PLEKHF2: variants seen among roughly 807,000 people sequenced by gnomAD.
PLEKHF2 encodes pleckstrin homology and FYVE domain containing 2.
PLEKHF2 carries 4 observed loss-of-function variants against 14.7 expected under a neutral mutation model. That is an observed-to-expected ratio of 0.27 (90% CI 0.13 to 0.62). The LOEUF (loss-of-function observed/expected upper bound fraction) is 0.62, where lower values mean the gene tolerates loss of function less well. Ranked by LOEUF, PLEKHF2 falls within the 20% of genes least tolerant of loss-of-function variation. PLEKHF2 has a pLI of 0.85. For missense variants in PLEKHF2, 201 were observed against 307.7 expected, an observed-to-expected ratio of 0.65 and a Z score of 2.60; for synonymous variants, 90 against 103.5, an observed-to-expected ratio of 0.87 and a Z score of 0.79.
intron 1 of PLEKHF2, among the ~76,000 whole-genome samples, chr8:95,139,909 A>C (rs1810422446): frequency 1.3e-5 from 2 of 151,988 alleles, no homozygotes; most frequent in Non-Finnish European, 2.9e-5. Context: ...CAGGTTGAAA[A>C]GGTGCTTTGT....
At chr8:95,143,529 C>G (rs954507466) in intron 1 of PLEKHF2, among the ~76,000 whole-genome samples, 3 of 152,138 alleles carry the variant, frequency 2.0e-5, no homozygotes, top group Non-Finnish European at 4.4e-5. Context: ...TTCACCTGGC[C>G]ACAGGATATA....
intron 1 of PLEKHF2, among the ~76,000 whole-genome samples, chr8:95,136,778 C>G (rs983697433): frequency 5.3e-5 from 8 of 152,020 alleles, no homozygotes; most frequent in Non-Finnish European, 7.4e-5. Context: ...CATGAGCTGC[C>G]TGCTTAATAT....
Position 95,155,055 on chromosome 8 carries a change from T to G in PLEKHF2, c.*261T>G. Reference sequence around the variant, plus strand: ...CTTGTTTATTTTTAGGTTATTTTCTTGGAAGGTTGGGAAAAGATGTTTGTT... The same window carrying G: ...CTTGTTTATTTTTAGGTTATTTTCTGGGAAGGTTGGGAAAAGATGTTTGTT... On this transcript the variant is annotated 3_prime_UTR_variant, in exon 2 of 2. Transcript: ENST00000315367. 2.3e-6 allele frequency: 1 copy of G among 430,024 alleles called. No homozygotes were observed. The highest frequency in any genetic ancestry group is 4.3e-5 in the South Asian group (1 of 23,274). 26.6% of individuals were successfully genotyped at this position (430,024 alleles called of 1,614,324 possible).
chr8:95,138,353 TCCC>T (rs61519066), intron 1 of PLEKHF2, among the ~76,000 whole-genome samples: 8,425 of 71,920 alleles, frequency 0.12, 905 homozygotes, highest in African/African-American at 0.29. Context: ...TTCTTCATCT[TCCC>T]CCCCCCCCCG....
intron 1 of PLEKHF2, among the ~76,000 whole-genome samples, chr8:95,151,916 G>A (rs1388266373): frequency 1.3e-5 from 2 of 151,994 alleles, no homozygotes; most frequent in African/African-American, 4.8e-5. Flanking sequence ...AGATACAGAT[G>A]TCTATGATTA....
At position 95,154,077 on chromosome 8, in the gene PLEKHF2, T is replaced by C; in HGVS notation, c.33T>C (p.Asn11=). The C allele has an allele frequency of 6.2e-7, 1 of 1,609,018 alleles. No homozygotes were observed. Among genetic ancestry groups the C allele is most frequent in the Non-Finnish European group, 8.5e-7 (1 of 1,177,650 alleles). The part of the protein sequence containing the change: MVDRLANSEA[N]TRRISIVENC... ...ATCGCTTGGCAAACAGTGAAGCAAA[T>C]ACTAGACGTATAAGTATAGTGGAAA... Residue 11 remains asparagine (N), a synonymous_variant, in exon 2 of 2, where the codon AAT becomes AAC. Transcript: ENST00000315367. This position sits in a 1 kb window ranked among gnomAD's most constrained non-coding sequence, Gnocchi z 5.6.
intron 1 of PLEKHF2, among the ~76,000 whole-genome samples, chr8:95,142,095 T>A (rs1338792868): frequency 6.6e-6 from 1 of 152,198 alleles, no homozygotes; most frequent in African/African-American, 2.4e-5. Flanking sequence ...GTCTGCTTTG[T>A]TCTTTTTTTC....
At chr8:95,139,154 T>G (rs988848207) in intron 1 of PLEKHF2, among the ~76,000 whole-genome samples, 6 of 152,212 alleles carry the variant, frequency 3.9e-5, no homozygotes, top group African/African-American at 1.4e-4. Context: ...TTGTTTCTTA[T>G]TTTTCTGTTG....
At position 95,138,348 on chromosome 8, in the gene PLEKHF2, C is replaced by T. The variant is rs2514568; in HGVS notation, c.-15+4318C>T. ...ATTTTCTTCTTTGCACCAACTTCTT[C>T]ATCTTCCCCCCCCCCCCGCCCCTTT... On this transcript the variant is annotated intron_variant, in intron 1 of 1. Transcript: ENST00000315367. Among the ~76,000 whole-genome samples, 87 of 85,290 alleles carry T rather than the reference C, an allele frequency of 1.0e-3. 1 individual carries two copies. The East Asian group carries it at 0.018, about 18-fold the overall frequency. 56.0% of individuals were successfully genotyped at this position (85,290 alleles called of 152,430 possible). A position where few individuals can be genotyped will look rare whatever the true frequency, so the allele number is the denominator to read the frequency against.
intron 1 of PLEKHF2, among the ~76,000 whole-genome samples, chr8:95,135,610 T>C (rs1810366798): frequency 6.6e-6 from 1 of 152,242 alleles, no homozygotes; most frequent in Non-Finnish European, 1.5e-5. Context: ...GCCATGTTGC[T>C]CAGGCTGTAT....
At chr8:95,149,643 G>GT (rs961531594) in intron 1 of PLEKHF2, among the ~76,000 whole-genome samples, 41 of 152,266 alleles carry the variant, frequency 2.7e-4, no homozygotes, top group African/African-American at 9.9e-4. Context: ...TGGAAATTTT[G>GT]TAAAAGGTAG....
intron 1 of PLEKHF2, among the ~76,000 whole-genome samples, chr8:95,142,986 TCTAACTG>T (rs1296180987): frequency 2.6e-5 from 4 of 152,214 alleles, no homozygotes; most frequent in African/African-American, 9.6e-5. Context: ...TGCTGCCACT[TCTAACTG>T]CTGATTGTAT....
At chr8:95,144,196 C>T (rs924155474) in intron 1 of PLEKHF2, among the ~76,000 whole-genome samples, 1 of 152,084 alleles carries the variant, frequency 6.6e-6, no homozygotes, top group African/African-American at 2.4e-5. Context: ...AACTTGAAGT[C>T]TATATTTGTT....
chr8:95,156,297 G>A lies in PLEKHF2; in HGVS notation c.*1503G>A, dbSNP rs1024656438. ...GAAGTTTGATTCAGTAACTTGTGAT[G>A]GAGGATTCTTTGGTATCTTACTGTT... On this transcript the variant is annotated 3_prime_UTR_variant, in exon 2 of 2. Coordinates refer to ENST00000315367, the MANE Select transcript of PLEKHF2 (RefSeq NM_024613.4). 1 of 166,942 alleles carries A rather than the reference G, an allele frequency of 6.0e-6. No individual in the cohort carries two copies. Among genetic ancestry groups the A allele is most frequent in the Non-Finnish European group, 1.5e-5 (1 of 68,096 alleles). 10.3% of individuals were successfully genotyped at this position (166,942 alleles called of 1,614,324 possible).
At chr8:95,147,708 A>G (rs982812673) in intron 1 of PLEKHF2, among the ~76,000 whole-genome samples, 7 of 152,046 alleles carry the variant, frequency 4.6e-5, no homozygotes, top group Non-Finnish European at 1.0e-4. Flanking sequence ...GCCAAGAAGG[A>G]TGATGCAATG....
chr8:95,136,726 A>C (rs143197257), intron 1 of PLEKHF2, among the ~76,000 whole-genome samples: 33 of 152,250 alleles, frequency 2.2e-4, no homozygotes, highest in African/African-American at 7.9e-4. Flanking sequence ...GTATATGAAA[A>C]ATTTTTTTGT....
At chr8:95,143,117 T>G (rs2132106921) in intron 1 of PLEKHF2, among the ~76,000 whole-genome samples, 1 of 151,998 alleles carries the variant, frequency 6.6e-6, no homozygotes, top group Admixed American at 6.5e-5. Context: ...TTCTTTTTTT[T>G]GAGATGGAGT....
chr8:95,143,721 A>G (rs184910798), intron 1 of PLEKHF2, among the ~76,000 whole-genome samples: 2 of 152,348 alleles, frequency 1.3e-5, no homozygotes, highest in East Asian at 3.9e-4. Context: ...CAGAGAATGT[A>G]GAGAAAGAGG....
At position 95,156,559 on chromosome 8, in the gene PLEKHF2, A is replaced by G. The variant is rs1304156284; in HGVS notation, c.*1765A>G. 6.0e-6 allele frequency: 1 copy of G among 167,064 alleles called. No homozygotes were observed. Among genetic ancestry groups the G allele is most frequent in the African/African-American group, 2.4e-5 (1 of 41,458 alleles). The allele number at this position is 167,064 out of a possible 1,614,324, so 10.3% of individuals were successfully genotyped here. On this transcript the variant is annotated 3_prime_UTR_variant, in exon 2 of 2. Coordinates refer to ENST00000315367, the MANE Select transcript of PLEKHF2 (RefSeq NM_024613.4). ...AGGATCATGAAACCTGAGAAATGCT[A>G]ATGGAGATTTGCTGGTACATAGGAA...
Sources: gnomAD v4.1 joint callset for allele counts (sites outside exome capture counted in the v4.1 genomes callset) on GRCh38, gnomAD v4.1.1 for gene constraint, Gnocchi (gnomAD v3.1) non-coding constraint, MANE v1.5 for transcripts, NCBI Gene and HGNC (gene_info 2026-07-23, HGNC 2026-07-21) for gene names.